Variants in NKPD1 observed in about 807,000 individuals in gnomAD.
NKPD1 encodes the protein NTPase KAP family P-loop domain-containing protein 1.
In NKPD1, 37 loss-of-function variants were observed where a neutral mutation model predicts 42.2. That is an observed-to-expected ratio of 0.88 (90% CI 0.67 to 1.15). The LOEUF (loss-of-function observed/expected upper bound fraction) is 1.15, where lower values mean the gene tolerates loss of function less well. Among genes scored for constraint, NKPD1 ranks in the 50% most tolerant of loss-of-function variants. NKPD1 has a pLI of 0.00. For missense variants in NKPD1, 1,113 were observed against 1,174.6 expected (o/e 0.95, Z 0.77); for synonymous variants, 552 against 536.5 (o/e 1.03, Z -0.40).
intron 3 of NKPD1, 72 bp from the exon 4 acceptor site, chr19:45,155,988 A>G: frequency 8.0e-7 from 1 of 1,252,862 alleles, no homozygotes; most frequent in African/African-American, 1.5e-5. Flanking sequence ...TCTGCCCTCC[A>G]TGGCCCCCAC....
rs1276690901 is a variant in NKPD1 at position 45,150,956 on chromosome 19, G to A, written c.*982C>T. ...AGTGTTGGCCCTTGTGGCCCCTGCC[G>A]GCACACACTTGGAACTGGGCCAGGC... On this transcript the variant is annotated 3_prime_UTR_variant, in exon 5 of 5. Transcript: ENST00000686631. 4 of 152,310 alleles carry A rather than the reference G, an allele frequency of 2.6e-5. No individual in the cohort carries two copies. Among genetic ancestry groups the A allele is most frequent in the Admixed American group, 6.5e-5 (1 of 15,294 alleles). The allele number at this position is 152,310 out of a possible 1,614,324, so 9.4% of individuals were successfully genotyped here. A position where few individuals can be genotyped will look rare whatever the true frequency, so the allele number is the denominator to read the frequency against.
intron 4 of NKPD1, among the ~76,000 whole-genome samples, chr19:45,154,932 G>A (rs1009454330): frequency 6.6e-6 from 1 of 151,428 alleles, no homozygotes; most frequent in African/African-American, 2.4e-5. Context: ...GGCTGAGGCA[G>A]GAGAATCGCT....
In NKPD1 at chr19:45,153,339, C is replaced by G; in HGVS notation, c.1098G>C (p.Ala366=). ...GLLYLSLGGH[A]LGHGSPSGSL... The stretch of plus-strand genomic sequence containing the variant: ...TGCCGCTCGGGCTGCCGTGGCCCAG[C>G]GCGTGGCCGCCCAGTGACAAGTAGA... The change falls in exon 5 of 5, where the codon GCG becomes GCC. Residue 366 remains alanine (A), a synonymous_variant. Transcript: ENST00000686631. 2.6e-6 allele frequency: 4 copies of G among 1,568,466 alleles called. No homozygotes were observed. The highest frequency in any genetic ancestry group is 3.5e-6 in the Non-Finnish European group (4 of 1,159,094).
upstream of NKPD1, among the ~76,000 whole-genome samples, chr19:45,162,167 G>A (rs1386607429): frequency 1.3e-5 from 2 of 152,166 alleles, no homozygotes; most frequent in Non-Finnish European, 2.9e-5. Context: ...TCCGCAGGAC[G>A]AGATTGCCCC....
In NKPD1 at chr19:45,150,428, C is replaced by T. The variant is rs1968756702; in HGVS notation, c.*1510G>A. The T allele has an allele frequency of 6.6e-6, 1 of 152,196 alleles. No homozygotes were observed. Among genetic ancestry groups the T allele is most frequent in the Non-Finnish European group, 1.5e-5 (1 of 68,044 alleles). 9.4% of individuals were successfully genotyped at this position (152,196 alleles called of 1,614,324 possible). The stretch of plus-strand genomic sequence containing the variant: ...AACAGGAGTGAAAATTTATTTTCAG[C>T]TTGGATTCCAGGTGGTAAGAAACAA... On this transcript the variant is annotated 3_prime_UTR_variant, in exon 5 of 5. Transcript: ENST00000686631.
At chr19:45,162,550 G>A (rs1264723396), upstream of NKPD1, among the ~76,000 whole-genome samples, 2 of 152,138 alleles carry the variant, frequency 1.3e-5, no homozygotes, top group African/African-American at 4.8e-5. Context: ...GGGACGGGCA[G>A]CAGGAGTGCG....
At chr19:45,159,818 C>T (rs1037012221) in intron 2 of NKPD1, among the ~76,000 whole-genome samples, 1 of 152,198 alleles carries the variant, frequency 6.6e-6, no homozygotes, top group Non-Finnish European at 1.5e-5. Flanking sequence ...GGTTTGGAAA[C>T]GGGGCAGGGC....
Position 45,153,784 on chromosome 19 carries a change from A to AGGGAGCCC in NKPD1, c.662-17_662-10dup. The AGGGAGCCC allele has an allele frequency of 6.9e-7, 1 of 1,449,186 alleles. No individual in the cohort carries two copies. Among genetic ancestry groups the AGGGAGCCC allele is most frequent in the East Asian group, 2.7e-5 (1 of 37,406 alleles). The allele number at this position is 1,449,186 out of a possible 1,614,324, so 89.8% of individuals were successfully genotyped here. A position where few individuals can be genotyped will look rare whatever the true frequency, so the allele number is the denominator to read the frequency against. On this transcript the variant is annotated splice_polypyrimidine_tract_variant and intron_variant, in intron 4 of 4. Transcript: ENST00000686631. The stretch of plus-strand genomic sequence containing the variant: ...CTCCTGCTGCATCAGCGCTGCGGGA[A>AGGGAGCCC]GGGAGCCCGGGAGCCGCGTGAGCCG...
Position 45,152,607 on chromosome 19 carries a change from G to A in NKPD1, c.1830C>T (p.Cys610=). 2 of 1,580,558 alleles carry A rather than the reference G, an allele frequency of 1.3e-6. No homozygotes were observed. Among genetic ancestry groups the A allele is most frequent in the Non-Finnish European group, 1.7e-6 (2 of 1,173,194 alleles). ...CGTTGTCGGGCACGTACTCGTAGAGGCAGTCGCGCTCGTCGTGAAGGCAGA... is the reference window on the plus strand; with the variant it reads ...CGTTGTCGGGCACGTACTCGTAGAGACAGTCGCGCTCGTCGTGAAGGCAGA... ...ALFCLHDERD[C]LYEYVPDNVV... Residue 610 remains cysteine, a synonymous_variant, in exon 5 of 5, where the codon TGC becomes TGT. Coordinates refer to ENST00000686631, the MANE Select transcript of NKPD1 (RefSeq NM_198478.4).
At chr19:45,160,017 A>G in intron 2 of NKPD1, 43 bp downstream of exon 2, 2 of 1,143,812 alleles carry the variant, frequency 1.7e-6, no homozygotes, top group South Asian at 1.3e-5. Context: ...GCTTCCTCAC[A>G]GGCCTCTGTC....
chr19:45,152,474 C>T lies in NKPD1; in HGVS notation c.1963G>A (p.Ala655Thr). The T allele has an allele frequency of 6.4e-7, 1 of 1,552,648 alleles. No homozygotes were observed. The highest frequency in any genetic ancestry group is 8.6e-7 in the Non-Finnish European group (1 of 1,156,098). The stretch of plus-strand genomic sequence containing the variant: ...CACTGGTTGGCGAGCACCACCCACG[C>T]CACCGCCTGGCGCGGCGTGGGGCCC... Reference protein sequence around the residue: ...FGGPTPRQAVAWVVLANQWPC... With the variant: ...FGGPTPRQAVTWVVLANQWPC... Residue 655 changes from alanine (A) to threonine (T), a missense_variant, in exon 5 of 5, where the codon GCG becomes ACG. Physicochemically the swap from Ala to Thr is moderately conservative, Grantham distance 58. Transcript: ENST00000686631.
Position 45,158,814 on chromosome 19 carries a change from C to G in NKPD1, c.378G>C (p.Ala126=). The change falls in exon 3 of 5, where the codon GCG becomes GCC. Residue 126 remains alanine, a synonymous_variant. Transcript: ENST00000686631. This position sits in a 1 kb window ranked among gnomAD's most constrained non-coding sequence, Gnocchi z 4.6. The part of the protein sequence containing the change: ...VPKEPASAPQ[A]PTLPTTAPAM... Reference sequence around the variant, plus strand: ...CTGGTGCCGTGGTGGGTAAGGTGGGCGCCTGAGGGGCGCTGGCAGGTTCCT... The same window carrying G: ...CTGGTGCCGTGGTGGGTAAGGTGGGGGCCTGAGGGGCGCTGGCAGGTTCCT... 2.4e-6 allele frequency: 3 copies of G among 1,267,786 alleles called. No homozygotes were observed. The highest frequency in any genetic ancestry group is 3.1e-6 in the Non-Finnish European group (3 of 971,642). 78.5% of individuals were successfully genotyped at this position (1,267,786 alleles called of 1,614,324 possible). A position where few individuals can be genotyped will look rare whatever the true frequency, so the allele number is the denominator to read the frequency against.
rs757353636 is a variant in NKPD1, at chr19:45,152,618, C to G, written c.1819G>C (p.Glu607Gln). The change falls in exon 5 of 5, where the codon GAG (glutamate) becomes CAG (glutamine). Residue 607 changes from glutamate (E) to glutamine (Q), a missense_variant. Transcript: ENST00000686631. ...ACGTACTCGTAGAGGCAGTCGCGCT[C>G]GTCGTGAAGGCAGAAGAGCGCCTCC... ...IQEALFCLHD[E>Q]RDCLYEYVPD... The G allele has an allele frequency of 6.3e-7, 1 of 1,575,990 alleles. No individual in the cohort carries two copies.
chr19:45,161,314 C>T (rs2122805312), upstream of NKPD1, among the ~76,000 whole-genome samples: 1 of 152,312 alleles, frequency 6.6e-6, no homozygotes, highest in African/African-American at 2.4e-5. Context: ...GCCATGGCTT[C>T]CTCATTGCTG....
At position 45,160,085 on chromosome 19, in the gene NKPD1, C is replaced by T; in HGVS notation, c.66G>A (p.Trp22Ter). 1.5e-6 allele frequency: 2 copies of T among 1,304,622 alleles called. No homozygotes were observed. Among genetic ancestry groups the T allele is most frequent in the Middle Eastern group, 2.1e-4 (1 of 4,690 alleles). The allele number at this position is 1,304,622 out of a possible 1,614,324, so 80.8% of individuals were successfully genotyped here. A position where few individuals can be genotyped will look rare whatever the true frequency, so the allele number is the denominator to read the frequency against. Residue 22 changes from tryptophan (W) to a stop codon, truncating the protein, a stop_gained, in exon 2 of 5, where the codon TGG (tryptophan) becomes TGA (stop). Coordinates refer to ENST00000686631, the MANE Select transcript of NKPD1 (RefSeq NM_198478.4). LOFTEE classifies it high-confidence loss of function. ...DAQSPNGHYF[W>*]DPELGHRKGC... ...CTTTTCGGTGCCCCAACTCTGGGTCCCAGAAGTAGTGCCCGTTGGGGCTCT... is the reference window on the plus strand; with the variant it reads ...CTTTTCGGTGCCCCAACTCTGGGTCTCAGAAGTAGTGCCCGTTGGGGCTCT...
intron 4 of NKPD1, 43 bp downstream of exon 4, chr19:45,155,742 C>T (rs1301733015): frequency 3.1e-6 from 4 of 1,278,888 alleles, no homozygotes; most frequent in Non-Finnish European, 1.0e-6. Flanking sequence ...ACCAGAGGCC[C>T]TGTTTCTCAT....
chr19:45,153,046 C>A lies in NKPD1; in HGVS notation c.1391G>T (p.Cys464Phe). ...VVLEVTGLDT[C>F]YPERVVGVLN... is the part of the protein sequence containing the mutation. Reference sequence around the variant, plus strand: ...CACGCCCACCACGCGCTCCGGGTAGCACGTGTCCAGCCCGGTGACCTCCAG... The same window carrying A: ...CACGCCCACCACGCGCTCCGGGTAGAACGTGTCCAGCCCGGTGACCTCCAG... Residue 464 changes from cysteine to phenylalanine, a missense_variant, in exon 5 of 5, where the codon TGC becomes TTC. By Grantham distance (205) the Cys-to-Phe change is radical. This residue lies in a region of NKPD1 where 867 missense variants were observed against 870.1 expected (regional missense o/e 1.00). Transcript: ENST00000686631. The A allele has an allele frequency of 1.3e-6, 2 of 1,585,798 alleles. No homozygotes were observed. The highest frequency in any genetic ancestry group is 1.7e-6 in the Non-Finnish European group (2 of 1,166,530).
chr19:45,159,196 C>A, intron 2 of NKPD1, 96 bp from the exon 3 acceptor site: 1 of 1,162,000 alleles, frequency 8.6e-7, no homozygotes, highest in Non-Finnish European at 1.1e-6. Context: ...AACCTGGGGG[C>A]CAGAGTATTC....
At chr19:45,153,814 C>A (rs955370678) in intron 4 of NKPD1, 39 bp from the exon 5 acceptor site, 19 of 1,411,014 alleles carry the variant, frequency 1.3e-5, no homozygotes, top group Non-Finnish European at 1.7e-5. Context: ...GAGCCGCAGA[C>A]CCGCCGGGGT....
Sources: allele counts gnomAD v4.1 joint callset (sites outside exome capture counted in the v4.1 genomes callset), GRCh38; gene constraint gnomAD v4.1.1; regional missense constraint gnomAD v4.1.1; non-coding constraint Gnocchi (gnomAD v3.1); transcripts MANE v1.5; gene names NCBI Gene and HGNC (gene_info 2026-07-23, HGNC 2026-07-21).